The following CDC73 variants were observed in gnomAD, a reference collection of about 807,000 sequenced individuals.
CDC73 encodes cell division cycle 73, also known as parafibromin.
In CDC73, 21 loss-of-function variants were observed where a neutral mutation model predicts 83.7. The observed-to-expected ratio is 0.25, with a 90% CI of 0.18 to 0.36. The LOEUF (loss-of-function observed/expected upper bound fraction) is 0.36. CDC73 is among the 10% of genes least tolerant of loss of function. CDC73 has a pLI of 1.00. For missense variants in CDC73, 342 were observed against 653.3 expected (o/e 0.52, Z 5.19); for synonymous variants, 224 against 212.9 (o/e 1.05, Z -0.45).
At chr1:193,181,615 C>G (rs918484629) in intron 10 of CDC73, 20 of 1,442,914 alleles carry the variant, frequency 1.4e-5, no homozygotes, top group Non-Finnish European at 1.6e-5. Flanking sequence ...AAAATGTTTT[C>G]TTCTCCTTAA....
rs746991059 is a variant in CDC73 at position 193,212,400 on chromosome 1, A to G, written c.1077A>G (p.Thr359=). Reference sequence around the variant, plus strand: ...ATTTTGTCTTTATAGGATCTCGAACACCCATTATCATAATTCCTGCAGCTA... The same window carrying G: ...ATTTTGTCTTTATAGGATCTCGAACGCCCATTATCATAATTCCTGCAGCTA... ...PPPNQKKGSR[T]PIIIIPAATT... The change falls in exon 13 of 17, where the codon ACA becomes ACG. Residue 359 remains threonine (T), a synonymous_variant. Coordinates refer to ENST00000367435, the MANE Select transcript of CDC73 (RefSeq NM_024529.5). The G allele has an allele frequency of 2.5e-6, 4 of 1,596,778 alleles. No individual in the cohort carries two copies. Among genetic ancestry groups the G allele is most frequent in the Non-Finnish European group, 3.4e-6 (4 of 1,169,066 alleles).
At chr1:193,247,992 C>T (rs768955450) in intron 15 of CDC73, among the ~76,000 whole-genome samples, 1 of 152,116 alleles carries the variant, frequency 6.6e-6, no homozygotes, top group Non-Finnish European at 1.5e-5. Context: ...AAGTTGACTA[C>T]ACTAAACAAC....
chr1:193,163,265 G>C (rs373232518), intron 10 of CDC73, among the ~76,000 whole-genome samples: 1 of 151,864 alleles, frequency 6.6e-6, no homozygotes, highest in African/African-American at 2.4e-5. Flanking sequence ...CTGCACTTTG[G>C]GAGGCTGAGG....
chr1:193,203,749 T>C, intron 10 of CDC73, 46 bp from the exon 11 acceptor site: 1 of 1,403,598 alleles, frequency 7.1e-7, no homozygotes, highest in South Asian at 1.2e-5. Flanking sequence ...GTGTTTATTA[T>C]GTAAAGAAAC....
At chr1:193,153,055 A>G (rs1676147045) in intron 10 of CDC73, among the ~76,000 whole-genome samples, 1 of 152,190 alleles carries the variant, frequency 6.6e-6, no homozygotes, top group African/African-American at 2.4e-5. Flanking sequence ...AGTGTGAGCC[A>G]CCGTGCCCAG....
chr1:193,153,582 A>T (rs1405153150), intron 10 of CDC73, among the ~76,000 whole-genome samples: 1 of 152,068 alleles, frequency 6.6e-6, no homozygotes, highest in Admixed American at 6.6e-5. Flanking sequence ...TGTTTTACTC[A>T]CTCATTTCCA....
chr1:193,196,381 T>C (rs1440902423), intron 10 of CDC73, among the ~76,000 whole-genome samples: 1 of 152,168 alleles, frequency 6.6e-6, no homozygotes, highest in South Asian at 2.1e-4. Context: ...ACTGTTGCTT[T>C]GCAGTAAGTT....
intron 11 of CDC73, among the ~76,000 whole-genome samples, chr1:193,211,471 A>G (rs987922096): frequency 1.3e-5 from 2 of 151,976 alleles, no homozygotes; most frequent in Non-Finnish European, 2.9e-5. Context: ...AGTAGTAGAG[A>G]TTTTCACCTT....
intron 7 of CDC73, among the ~76,000 whole-genome samples, chr1:193,147,273 C>T (rs1182454623): frequency 4.0e-5 from 6 of 151,886 alleles, no homozygotes; most frequent in South Asian, 4.1e-4. Context: ...ATTACAGTCA[C>T]GAGCCACCGT....
At chr1:193,222,259 G>A (rs926689944) in intron 13 of CDC73, among the ~76,000 whole-genome samples, 1 of 152,134 alleles carries the variant, frequency 6.6e-6, no homozygotes, top group Admixed American at 6.6e-5. Context: ...AAGATTGTGC[G>A]CAGAAGGAGC....
chr1:193,187,008 T>A (rs1167336031), intron 10 of CDC73, among the ~76,000 whole-genome samples: 1 of 151,620 alleles, frequency 6.6e-6, no homozygotes, highest in African/African-American at 2.4e-5. Context: ...TCTTGAAGTT[T>A]TTTTTCTCTG....
chr1:193,220,472 C>T (rs1677450254), intron 13 of CDC73, among the ~76,000 whole-genome samples: 1 of 151,882 alleles, frequency 6.6e-6, no homozygotes, highest in Non-Finnish European at 1.5e-5. Flanking sequence ...AAAGAAAAGC[C>T]CCTTCACATC....
intron 14 of CDC73, among the ~76,000 whole-genome samples, chr1:193,234,175 T>TCACACACACACACACA (rs71111461): frequency 9.9e-6 from 1 of 101,414 alleles, no homozygotes; most frequent in African/African-American, 4.2e-5. Flanking sequence ...TCTCTCTCTC[T>TCACACACACACACACA]CACACACACA....
rs574575525 is a variant in CDC73 at position 193,188,283 on chromosome 1, G to C, written c.973-15512G>C. Among the ~76,000 whole-genome samples the C allele has an allele frequency of 3.9e-5, 6 of 152,276 alleles. No individual in the cohort carries two copies. The East Asian group carries it at 7.7e-4, about 20-fold the overall frequency. Reference sequence around the variant, plus strand: ...GAGTTGTAAAATAGTCCAAATGTCAGATAAATACTGATAAGAATAGAGGCC... The same window carrying C: ...GAGTTGTAAAATAGTCCAAATGTCACATAAATACTGATAAGAATAGAGGCC... On this transcript the variant is annotated intron_variant, in intron 10 of 16. Transcript: ENST00000367435.
intron 15 of CDC73, among the ~76,000 whole-genome samples, chr1:193,240,766 A>G (rs1677842923): frequency 6.6e-6 from 1 of 151,924 alleles, no homozygotes; most frequent in African/African-American, 2.4e-5. Flanking sequence ...GTTTGCAGAT[A>G]TTTTCTCCCA....
At chr1:193,181,797 G>A (rs1229348256) in intron 10 of CDC73, 1 of 408,596 alleles carries the variant, frequency 2.4e-6, no homozygotes, top group Non-Finnish European at 4.3e-6. Flanking sequence ...CAGGAACGAA[G>A]CTTGTAATTT....
chr1:193,153,273 T>C (rs1676152892), intron 10 of CDC73, among the ~76,000 whole-genome samples: 2 of 152,228 alleles, frequency 1.3e-5, no homozygotes, highest in African/African-American at 4.8e-5. Flanking sequence ...ACATTTTAAA[T>C]TTTTATTTAA....
In CDC73 at chr1:193,244,838, A is replaced by C. The variant is rs571412000; in HGVS notation, c.1418-4892A>C. On this transcript the variant is annotated intron_variant, in intron 15 of 16. Coordinates refer to ENST00000367435, the MANE Select transcript of CDC73 (RefSeq NM_024529.5). Reference sequence around the variant, plus strand: ...GCCTTATTTTTCCTCAGTAGCATTTATACTACCTGAGTGTTGTATATTTAT... The same window carrying C: ...GCCTTATTTTTCCTCAGTAGCATTTCTACTACCTGAGTGTTGTATATTTAT... Among the ~76,000 whole-genome samples the C allele has an allele frequency of 3.3e-5, 5 of 152,174 alleles. No homozygotes were observed. In the South Asian group the frequency reaches 1.0e-3, roughly 31 times the overall value.
intron 3 of CDC73, among the ~76,000 whole-genome samples, chr1:193,135,017 T>TAA (rs1272558851): frequency 1.3e-5 from 2 of 150,260 alleles, no homozygotes; most frequent in African/African-American, 2.4e-5. Context: ...AATGCTAACT[T>TAA]AAAAAAAATC....
Sources: allele counts gnomAD v4.1 joint callset (sites outside exome capture counted in the v4.1 genomes callset), GRCh38; gene constraint gnomAD v4.1.1; transcripts MANE v1.5; gene names NCBI Gene and HGNC (gene_info 2026-07-23, HGNC 2026-07-21).